The following GAA variants were observed in gnomAD, a reference collection of about 807,000 sequenced individuals.
GAA encodes lysosomal alpha-glucosidase.
A neutral mutation model predicts 103.9 loss-of-function variants in GAA; 88 were observed. The ratio of observed to expected loss-of-function variants is 0.85; its 90% confidence interval spans 0.71 to 1.01. The LOEUF (loss-of-function observed/expected upper bound fraction) is 1.01, where lower values mean the gene tolerates loss of function less well. Among genes scored for constraint, GAA ranks in the 50% least tolerant of loss-of-function variants. GAA has a pLI of 0.00. For synonymous variants in GAA, 572 were observed against 563.1 expected, an observed-to-expected ratio of 1.02 and a Z score of -0.22; for missense variants, 1,350 against 1,305.3, an observed-to-expected ratio of 1.03 and a Z score of -0.53.
intron 11 of GAA, 41 bp from the exon 12 acceptor site, chr17:80,111,942 C>T (rs932512413): frequency 5.8e-6 from 9 of 1,561,288 alleles, no homozygotes; most frequent in East Asian, 2.2e-5. Flanking sequence ...TGGAGCCTGC[C>T]GGGAGGAAGC....
intron 3 of GAA, 95 bp downstream of exon 3, chr17:80,105,989 G>A: frequency 6.8e-7 from 1 of 1,469,594 alleles, no homozygotes; most frequent in South Asian, 1.3e-5. Context: ...TCACACGATG[G>A]GCAGGGCGAC....
rs41292408 is a variant in GAA, at chr17:80,117,765, G to A, written c.2481+16G>A. The A allele has an allele frequency of 3.9e-3, 6,223 of 1,599,456 alleles. 21 individuals carry two copies. Among genetic ancestry groups the A allele is most frequent in the Non-Finnish European group, 4.9e-3 (5,735 of 1,175,620 alleles). ...CCCCCTGCAGGTACCTGGGCCAGGC[G>A]GCTATGGTGGGGGTGTGGACAGCAC... On this transcript the variant is annotated intron_variant, in intron 17 of 19. Transcript: ENST00000302262.
intron 3 of GAA, 41 bp downstream of exon 3, chr17:80,105,935 C>T (rs750906857): frequency 1.3e-5 from 21 of 1,558,408 alleles, no homozygotes; most frequent in Middle Eastern, 4.5e-4. Context: ...GGGAGGGCGA[C>T]GCGCATTTCT....
At position 80,108,616 on chromosome 17, in the gene GAA, G is replaced by A. The variant is rs577388014; in HGVS notation, c.1194+9G>A. ...GGGCCCACTTCCCCCTGGTGAGTTG[G>A]GGTGGTGGCAGGGGAGGCAAGGGGC... On this transcript the variant is annotated intron_variant, in intron 7 of 19. Coordinates refer to ENST00000302262, the MANE Select transcript of GAA (RefSeq NM_000152.5). 4 of 1,612,794 alleles carry A rather than the reference G, an allele frequency of 2.5e-6. No individual in the cohort carries two copies. The South Asian group carries it at 4.4e-5, about 18-fold the overall frequency.
At chr17:80,111,865 G>C in intron 11 of GAA, 118 bp from the exon 12 acceptor site, 1 of 806,762 alleles carries the variant, frequency 1.2e-6, no homozygotes, top group Non-Finnish European at 2.1e-6. Context: ...TGCACCTCCA[G>C]GGCCAGCCTG....
intron 19 of GAA, 94 bp downstream of exon 19, chr17:80,118,899 C>T (rs2039421516): frequency 2.0e-6 from 3 of 1,468,950 alleles, no homozygotes; most frequent in Middle Eastern, 2.1e-4. Context: ...ATGCCAGGAA[C>T]AGAGGATGCT....
intron 15 of GAA, among the ~76,000 whole-genome samples, chr17:80,116,122 A>C (rs1422022274): frequency 6.6e-6 from 1 of 152,240 alleles, no homozygotes; most frequent in Non-Finnish European, 1.5e-5. Context: ...ACATCACTCC[A>C]AGAAATGTAT....
At chr17:80,103,259 C>T (rs947163933) in intron 1 of GAA, among the ~76,000 whole-genome samples, 2 of 152,192 alleles carry the variant, frequency 1.3e-5, no homozygotes, top group African/African-American at 4.8e-5. Context: ...AAATCCTTGC[C>T]TGCCTCTGCT....
At chr17:80,110,641 C>T (rs1164945202) in intron 9 of GAA, 86 bp from the exon 10 acceptor site, 34 of 1,173,448 alleles carry the variant, frequency 2.9e-5, no homozygotes, top group Non-Finnish European at 3.7e-5. Context: ...TGAGGCTGCC[C>T]CTCTGCTCAG....
chr17:80,118,963 G>T (rs1328028135), intron 19 of GAA, among the ~76,000 whole-genome samples, 158 bp downstream of exon 19: 3 of 152,196 alleles, frequency 2.0e-5, no homozygotes, highest in Non-Finnish European at 4.4e-5. Flanking sequence ...GGCCACACAG[G>T]CTGTGCCTTT....
At chr17:80,114,283 A>T (rs752277290) in intron 15 of GAA, among the ~76,000 whole-genome samples, 1 of 152,232 alleles carries the variant, frequency 6.6e-6, no homozygotes, top group Non-Finnish European at 1.5e-5. Flanking sequence ...GACCAAGACT[A>T]AGAACCAAAT....
chr17:80,116,996 G>A lies in GAA; in HGVS notation c.2218G>A (p.Val740Met), dbSNP rs752122499. ...EFPKDSSTWTVDHQLLWGEAL... is the reference protein window; with the variant it reads ...EFPKDSSTWTMDHQLLWGEAL... ...CCCCAAGGACTCTAGCACCTGGACT[G>A]TGGACCACCAGCTCCTGTGGGGGGA... The change falls in exon 16 of 20, where the codon GTG becomes ATG. Residue 740 changes from valine to methionine, a missense_variant. Val to Met is a conservative substitution (Grantham distance 21). Coordinates refer to ENST00000302262, the MANE Select transcript of GAA (RefSeq NM_000152.5). The A allele has an allele frequency of 1.2e-6, 2 of 1,613,758 alleles. No homozygotes were observed. Among genetic ancestry groups the A allele is most frequent in the Non-Finnish European group, 1.7e-6 (2 of 1,180,030 alleles).
chr17:80,110,666 G>A, intron 9 of GAA, 61 bp from the exon 10 acceptor site: 4 of 1,444,474 alleles, frequency 2.8e-6, no homozygotes, highest in Admixed American at 3.4e-5. Context: ...AGGCTCAGTG[G>A]GGCTTCCATG....
At position 80,110,082 on chromosome 17, in the gene GAA, G is replaced by C. The variant is rs574824129; in HGVS notation, c.1437+27G>C. The C allele has an allele frequency of 4.2e-5, 66 of 1,590,284 alleles. No homozygotes were observed. The African/African-American group carries it at 4.4e-4, about 11-fold the overall frequency. On this transcript the variant is annotated intron_variant, in intron 9 of 19. Transcript: ENST00000302262. ...TAGGGCGAGGGTCCAGGGGACGGGG[G>C]TTAGAAAGCAGAGGCCTCCAGCCAG...
rs550837627 is a variant in GAA, at chr17:80,108,822, G to T, written c.1320G>T (p.Met440Ile). The T allele has an allele frequency of 3.8e-5, 60 of 1,592,028 alleles. No individual in the cohort carries two copies. The African/African-American group carries it at 6.8e-4, about 18-fold the overall frequency. Residue 440 changes from methionine (M) to isoleucine (I), a missense_variant, in exon 8 of 20, where the codon ATG (methionine) becomes ATT (isoleucine). Coordinates refer to ENST00000302262, the MANE Select transcript of GAA (RefSeq NM_000152.5). ...ELHQGGRRYM[M>I]IVDPAISSSG... ...ACCAGGGCGGCCGGCGCTACATGAT[G>T]ATCGTGGTGTGTGCCCCCACACTGT...
At position 80,112,913 on chromosome 17, in the gene GAA, C is replaced by A. The variant is rs1346499760; in HGVS notation, c.1926C>A (p.Val642=). The change falls in exon 14 of 20, where the codon GTC becomes GTA. Residue 642 remains valine, a synonymous_variant. Coordinates refer to ENST00000302262, the MANE Select transcript of GAA (RefSeq NM_000152.5). Reference sequence around the variant, plus strand: ...TTAACCTGCTGGGGGTGCCTCTGGTCGGGGCCGACGTCTGCGGCTTCCTGG... The same window carrying A: ...TTAACCTGCTGGGGGTGCCTCTGGTAGGGGCCGACGTCTGCGGCTTCCTGG... ...LQFNLLGVPL[V]GADVCGFLGN... is the part of the protein sequence containing the mutation. 2 of 1,610,396 alleles carry A rather than the reference C, an allele frequency of 1.2e-6. No homozygotes were observed. The highest frequency in any genetic ancestry group is 1.7e-6 in the Non-Finnish European group (2 of 1,178,732).
chr17:80,117,860 C>T, intron 17 of GAA, 111 bp downstream of exon 17: 1 of 1,140,790 alleles, frequency 8.8e-7, no homozygotes, highest in Non-Finnish European at 1.2e-6. Flanking sequence ...GAGGGGCCGC[C>T]CCCCGCAGTG....
In GAA at chr17:80,110,048, T is replaced by C; in HGVS notation, c.1430T>C (p.Ile477Thr). 3 of 1,610,398 alleles carry C rather than the reference T, an allele frequency of 1.9e-6. No individual in the cohort carries two copies. The highest frequency in any genetic ancestry group is 2.5e-6 in the Non-Finnish European group (3 of 1,178,518). Residue 477 changes from isoleucine (I) to threonine (T), a missense_variant, in exon 9 of 20, where the codon ATT (isoleucine) becomes ACT (threonine). Transcript: ENST00000302262. ...FITNETGQPL[I>T]GKVWPGSTAF... ...ACCAACGAGACCGGCCAGCCGCTGA[T>C]TGGGAAGGTAGGGCGAGGGTCCAGG...
rs1205507761 is a variant in GAA at position 80,108,829 on chromosome 17, G to A, written c.1326+1G>A. 1 of 1,588,312 alleles carries A rather than the reference G, an allele frequency of 6.3e-7. No homozygotes were observed. The highest frequency in any genetic ancestry group is 1.3e-5 in the African/African-American group (1 of 74,398). ...CGGCCGGCGCTACATGATGATCGTG[G>A]TGTGTGCCCCCACACTGTGGGTCTT... On this transcript the variant is annotated splice_donor_variant, in intron 8 of 19. Transcript: ENST00000302262. LOFTEE classifies it high-confidence loss of function.
Sources: gnomAD v4.1 joint callset for allele counts (sites outside exome capture counted in the v4.1 genomes callset) on GRCh38, gnomAD v4.1.1 for gene constraint, MANE v1.5 for transcripts, NCBI Gene and HGNC (gene_info 2026-07-23, HGNC 2026-07-21) for gene names.